TENM4: variants seen among roughly 807,000 people sequenced by gnomAD.
TENM4 encodes teneurin transmembrane protein 4.
In TENM4, 82 loss-of-function variants were observed where a neutral mutation model predicts 243.3. That is an observed-to-expected ratio of 0.34 (90% confidence interval 0.28 to 0.40). The LOEUF (loss-of-function observed/expected upper bound fraction) is 0.40, where lower values mean the gene tolerates loss of function less well. TENM4 is among the 10% of genes least tolerant of loss of function. TENM4 has a pLI of 1.00. For missense variants in TENM4, 3,138 were observed against 3,673.3 expected, an observed-to-expected ratio of 0.85 and a Z score of 3.77; for synonymous variants, 1,412 against 1,456.3, an observed-to-expected ratio of 0.97 and a Z score of 0.69.
chr11:79,270,032 T>C (rs370836702), intron 2 of TENM4, among the ~76,000 whole-genome samples: 30 of 152,182 alleles, frequency 2.0e-4, no homozygotes, highest in South Asian at 8.4e-4. Flanking sequence ...AGCACAGGCC[T>C]GCATGCAGCC....
chr11:78,766,342 T>C (rs1488036290), intron 18 of TENM4, among the ~76,000 whole-genome samples: 1 of 152,228 alleles, frequency 6.6e-6, no homozygotes, highest in African/African-American at 2.4e-5. Context: ...GGGCATGGTG[T>C]CACCATCTTT....
intron 6 of TENM4, among the ~76,000 whole-genome samples, chr11:79,043,950 T>G (rs7937657): frequency 0.85 from 128,708 of 152,158 alleles, 56,076 homozygotes; most frequent in Non-Finnish European, 0.97. Flanking sequence ...CTAGAGGAGG[T>G]GAACTGGTGA....
intron 2 of TENM4, among the ~76,000 whole-genome samples, chr11:79,246,423 T>A (rs190070842): frequency 6.6e-6 from 1 of 152,180 alleles, no homozygotes; most frequent in African/African-American, 2.4e-5. Flanking sequence ...AACCTCTAAT[T>A]CCTTTCTGAG....
rs769781599 is a variant in TENM4, at chr11:78,658,321, A to T, written c.8047T>A (p.Leu2683Met). 3.7e-6 allele frequency: 6 copies of T among 1,613,176 alleles called. No individual in the cohort carries two copies. In the African/African-American group the frequency reaches 8.0e-5, roughly 22 times the overall value. Residue 2683 changes from leucine (L) to methionine (M), a missense_variant, in exon 34 of 34, where the codon TTG (leucine) becomes ATG (methionine). Coordinates refer to ENST00000278550, the MANE Select transcript of TENM4 (RefSeq NM_001098816.3). ...LCLNTRYGTT[L>M]DEEKARVLEL... ...AGGACCCGTGCCTTCTCCTCATCCA[A>T]CGTTGTCCCGTAGCGTGTGTTCAAG...
At chr11:78,826,001 T>C (rs1857839510) in intron 12 of TENM4, among the ~76,000 whole-genome samples, 1 of 151,226 alleles carries the variant, frequency 6.6e-6, no homozygotes, top group Middle Eastern at 3.3e-3. Context: ...TGCTAATTAG[T>C]CTCCAATCAT....
chr11:78,973,257 C>T (rs1376105157), intron 6 of TENM4, among the ~76,000 whole-genome samples: 1 of 152,234 alleles, frequency 6.6e-6, no homozygotes, highest in African/African-American at 2.4e-5. Context: ...GCCAGATTGT[C>T]TTCCAAAGTG....
At chr11:79,260,988 A>T (rs1855786250) in intron 2 of TENM4, among the ~76,000 whole-genome samples, 1 of 152,246 alleles carries the variant, frequency 6.6e-6, no homozygotes, top group South Asian at 2.1e-4. Flanking sequence ...GATGAAAATG[A>T]GGCAATTTAG....
chr11:78,719,279 T>G (rs1351036205), intron 25 of TENM4, among the ~76,000 whole-genome samples: 2 of 152,202 alleles, frequency 1.3e-5, no homozygotes, highest in Admixed American at 1.3e-4. Flanking sequence ...ATCATGGATA[T>G]CTGCTTCACA....
At chr11:78,732,269 A>C (rs1855687329) in intron 21 of TENM4, 47 bp downstream of exon 21, 2 of 1,545,910 alleles carry the variant, frequency 1.3e-6, no homozygotes, top group Non-Finnish European at 1.7e-6. Context: ...CTCCACCCCC[A>C]AAATGAAATA....
At chr11:78,829,314 T>C (rs900551453) in intron 12 of TENM4, among the ~76,000 whole-genome samples, 1 of 152,168 alleles carries the variant, frequency 6.6e-6, no homozygotes, top group Non-Finnish European at 1.5e-5. Context: ...GACTATGCCA[T>C]CAGACAGACG....
chr11:78,669,610 G>A lies in TENM4; in HGVS notation c.6735C>T (p.Ile2245=). The A allele has an allele frequency of 6.2e-7, 1 of 1,614,000 alleles. No individual in the cohort carries two copies. The highest frequency in any genetic ancestry group is 1.3e-5 in the African/African-American group (1 of 75,022). Residue 2245 remains isoleucine (I), a synonymous_variant, in exon 32 of 34, where the codon ATC becomes ATT. Coordinates refer to ENST00000278550, the MANE Select transcript of TENM4 (RefSeq NM_001098816.3). The surrounding 1 kb of genome is among the most constrained non-coding windows in gnomAD (Gnocchi z 6.4). ...TGTATTGCACGTCACCCAGCCGAGT[G>A]ATGCGGTCGCGGATGTCATACCGTA... The part of the protein sequence containing the change: ...TPLRYDIRDR[I]TRLGDVQYKM...
intron 6 of TENM4, among the ~76,000 whole-genome samples, chr11:79,023,632 C>T (rs981275126): frequency 2.0e-5 from 3 of 151,812 alleles, no homozygotes; most frequent in African/African-American, 7.3e-5. Flanking sequence ...TATTTTTCAG[C>T]TCCTATAAGC....
In TENM4 at chr11:79,173,994, A is replaced by G. The variant is rs548214877; in HGVS notation, c.-162-25188T>C. On this transcript the variant is annotated intron_variant, in intron 3 of 33. Coordinates refer to ENST00000278550, the MANE Select transcript of TENM4 (RefSeq NM_001098816.3). ...ACAGATGGCCTTTTTGAAAAACAGA[A>G]AGCCAAAACAAAAGCATCATTTATT... 2.7e-4 allele frequency among the ~76,000 whole-genome samples: 41 copies of G among 152,350 alleles called. 1 individual carries two copies. In the South Asian group the frequency reaches 8.1e-3, roughly 30 times the overall value.
chr11:78,907,275 A>G (rs1186923089), intron 6 of TENM4, among the ~76,000 whole-genome samples: 2 of 138,618 alleles, frequency 1.4e-5, no homozygotes, highest in African/African-American at 5.4e-5. Flanking sequence ...TCCTATGGCC[A>G]GGAGGGAAGA....
At chr11:79,009,743 A>C (rs1044833530) in intron 6 of TENM4, among the ~76,000 whole-genome samples, 3 of 152,188 alleles carry the variant, frequency 2.0e-5, no homozygotes, top group Non-Finnish European at 4.4e-5. Flanking sequence ...AGTTAGTGGC[A>C]GGGCTAGTCT....
chr11:78,867,972 T>C (rs1859025268), intron 9 of TENM4, among the ~76,000 whole-genome samples: 3 of 151,514 alleles, frequency 2.0e-5, no homozygotes, highest in South Asian at 4.2e-4. Context: ...GGGGAGCTGA[T>C]AGTGATGATA....
Position 78,903,794 on chromosome 11 carries a change from A to G in TENM4, c.494-271T>C, listed in dbSNP as rs1395323972. The G allele has an allele frequency of 1.2e-5, 8 of 693,406 alleles. No homozygotes were observed. The Admixed American group carries it at 1.6e-4, about 14-fold the overall frequency. 43.0% of individuals were successfully genotyped at this position (693,406 alleles called of 1,614,324 possible). A position where few individuals can be genotyped will look rare whatever the true frequency, so the allele number is the denominator to read the frequency against. ...GAGTGAAACAATAAACAACATAAAA[A>G]AGACTAGTTACCCATCTCAGCAACT... is the stretch of plus-strand genomic sequence containing the variant. On this transcript the variant is annotated intron_variant, in intron 6 of 33. Coordinates refer to ENST00000278550, the MANE Select transcript of TENM4 (RefSeq NM_001098816.3).
intron 24 of TENM4, among the ~76,000 whole-genome samples, chr11:78,721,704 C>G (rs1170418189): frequency 2.0e-5 from 3 of 152,218 alleles, no homozygotes. Context: ...TTCTTTTCCC[C>G]TGCCCACTGT....
chr11:78,654,821 A>G lies in TENM4; in HGVS notation c.*3237T>C, dbSNP rs1351527711. On this transcript the variant is annotated 3_prime_UTR_variant, in exon 34 of 34. Transcript: ENST00000278550. The stretch of plus-strand genomic sequence containing the variant: ...TTTGGGGTGTGGGGGGGTGGGATAA[A>G]AAGGAAATCTCATCCTACAAAAAAA... 6.6e-6 allele frequency: 1 copy of G among 152,140 alleles called. No homozygotes were observed. The highest frequency in any genetic ancestry group is 2.4e-5 in the African/African-American group (1 of 41,386). 9.4% of individuals were successfully genotyped at this position (152,140 alleles called of 1,614,324 possible). A position where few individuals can be genotyped will look rare whatever the true frequency, so the allele number is the denominator to read the frequency against.
Sources: allele counts gnomAD v4.1 joint callset (sites outside exome capture counted in the v4.1 genomes callset), GRCh38; gene constraint gnomAD v4.1.1; non-coding constraint Gnocchi (gnomAD v3.1); transcripts MANE v1.5; gene names NCBI Gene and HGNC (gene_info 2026-07-23, HGNC 2026-07-21).